Variants in COL13A1 observed in about 807,000 individuals in gnomAD.
COL13A1 encodes collagen alpha-1(XIII) chain.
A neutral mutation model predicts 130.9 loss-of-function variants in COL13A1; 89 were observed. The ratio of observed to expected loss-of-function variants is 0.68; its 90% CI spans 0.57 to 0.81. The LOEUF (loss-of-function observed/expected upper bound fraction) is 0.81. Ranked by LOEUF, COL13A1 falls within the 30% of genes least tolerant of loss-of-function variation. COL13A1 has a pLI of 0.00. For missense variants in COL13A1, 879 were observed against 934.6 expected, an observed-to-expected ratio of 0.94 and a Z score of 0.78; for synonymous variants, 402 against 341.6, an observed-to-expected ratio of 1.18 and a Z score of -1.95.
At chr10:69,866,877 G>A (rs1459806178) in intron 2 of COL13A1, among the ~76,000 whole-genome samples, 3 of 152,138 alleles carry the variant, frequency 2.0e-5, no homozygotes, top group African/African-American at 4.8e-5. Flanking sequence ...AACAGGAGTC[G>A]CAGCTGAGTT....
chr10:69,945,366 C>A (rs577491976), intron 36 of COL13A1, among the ~76,000 whole-genome samples: 126 of 152,356 alleles, frequency 8.3e-4, no homozygotes, highest in Non-Finnish European at 1.2e-3. Flanking sequence ...CTTTCCCTGC[C>A]TTCCTGCCCT....
chr10:69,811,245 CGCT>C (rs1382701711), intron 1 of COL13A1, among the ~76,000 whole-genome samples: 1 of 152,158 alleles, frequency 6.6e-6, no homozygotes, highest in African/African-American at 2.4e-5. Flanking sequence ...GTTTTTTATC[CGCT>C]CTTTGGGTTG....
intron 2 of COL13A1, among the ~76,000 whole-genome samples, chr10:69,843,207 G>A (rs1191658800): frequency 2.0e-5 from 3 of 150,464 alleles, no homozygotes; most frequent in South Asian, 2.1e-4. Flanking sequence ...GGAGGCCATC[G>A]GCCCACATGA....
chr10:69,895,678 C>A, intron 13 of COL13A1, 102 bp downstream of exon 13: 2 of 1,315,210 alleles, frequency 1.5e-6, no homozygotes, highest in Non-Finnish European at 2.2e-6. Context: ...ACTAACAGAT[C>A]ATGGGGGAGC....
intron 3 of COL13A1, among the ~76,000 whole-genome samples, chr10:69,868,656 C>T (rs1378661363): frequency 6.6e-6 from 1 of 152,212 alleles, no homozygotes; most frequent in African/African-American, 2.4e-5. Flanking sequence ...TTGGAGAAGT[C>T]ATTTCCATAG....
At chr10:69,802,943 C>T (rs763496016) in intron 1 of COL13A1, among the ~76,000 whole-genome samples, 1 of 152,214 alleles carries the variant, frequency 6.6e-6, no homozygotes, top group Non-Finnish European at 1.5e-5. Context: ...CGGGCAAGCG[C>T]CCCCGGCTTC....
intron 2 of COL13A1, among the ~76,000 whole-genome samples, chr10:69,842,689 C>T (rs1447308238): frequency 6.6e-6 from 1 of 152,204 alleles, no homozygotes; most frequent in African/African-American, 2.4e-5. Flanking sequence ...TCTCCAGTAG[C>T]CAGGACAGGC....
intron 26 of COL13A1, 81 bp from the exon 27 acceptor site, chr10:69,927,006 G>C: frequency 6.2e-7 from 1 of 1,601,438 alleles, no homozygotes; most frequent in South Asian, 1.1e-5. Flanking sequence ...TAGCTCCCAT[G>C]TTTCCATGAC....
At chr10:69,804,913 G>A (rs1459922551) in intron 1 of COL13A1, among the ~76,000 whole-genome samples, 2 of 151,126 alleles carry the variant, frequency 1.3e-5, no homozygotes, top group African/African-American at 4.9e-5. Flanking sequence ...GGTGGTGGCA[G>A]TCATGGCAGG....
At chr10:69,947,675 C>T (rs1323001935) in intron 38 of COL13A1, among the ~76,000 whole-genome samples, 1 of 152,158 alleles carries the variant, frequency 6.6e-6, no homozygotes, top group Non-Finnish European at 1.5e-5. Context: ...CATTTTAGAT[C>T]CATTGCTACC....
At chr10:69,829,540 C>T (rs147635369) in intron 2 of COL13A1, among the ~76,000 whole-genome samples, 7 of 152,330 alleles carry the variant, frequency 4.6e-5, no homozygotes, top group Admixed American at 6.5e-5. Context: ...CTTTAGAAAT[C>T]AGCCAGTCCA....
intron 1 of COL13A1, among the ~76,000 whole-genome samples, chr10:69,814,997 G>C (rs564851366): frequency 6.6e-6 from 1 of 152,324 alleles, no homozygotes; most frequent in Non-Finnish European, 1.5e-5. Context: ...ACCCAAAATT[G>C]ATAGATGCTC....
chr10:69,944,138 C>T lies in COL13A1; in HGVS notation c.1928C>T (p.Pro643Leu), dbSNP rs780788656. The change falls in exon 36 of 41, where the codon CCA becomes CTA. Residue 643 changes from proline (P) to leucine (L), a missense_variant. By Grantham distance (98) the Pro-to-Leu change is moderately conservative. This residue lies in a region of COL13A1 where 96 missense variants were observed against 147.7 expected (regional missense o/e 0.65). Transcript: ENST00000645393. ...TCCCCTTCCCAGGGTACTCCAGGAC[C>T]AATTGGAGTTCCAGGCCCAGCGGGA... ...GRPGPPGTPG[P>L]IGVPGPAGPK... The T allele has an allele frequency of 2.5e-6, 4 of 1,613,608 alleles. No homozygotes were observed. The highest frequency in any genetic ancestry group is 3.4e-6 in the Non-Finnish European group (4 of 1,179,696).
intron 2 of COL13A1, among the ~76,000 whole-genome samples, chr10:69,850,144 C>T (rs759417763): frequency 2.0e-5 from 3 of 151,934 alleles, no homozygotes; most frequent in African/African-American, 4.8e-5. Context: ...CAAAGGCAGA[C>T]GAGATCCAAA....
At chr10:69,819,539 GA>G (rs1845490275) in intron 1 of COL13A1, among the ~76,000 whole-genome samples, 1 of 152,192 alleles carries the variant, frequency 6.6e-6, no homozygotes, top group Admixed American at 6.5e-5. Context: ...ATTTGAGGCA[GA>G]GGGGCCAGGT....
chr10:69,912,411 C>G (rs1310104155), intron 17 of COL13A1, among the ~76,000 whole-genome samples: 2 of 152,184 alleles, frequency 1.3e-5, no homozygotes, highest in Non-Finnish European at 2.9e-5. Flanking sequence ...GAAGCAGGAA[C>G]TGAGCTGCCT....
At chr10:69,898,656 G>T in intron 13 of COL13A1, 41 bp from the exon 14 acceptor site, 1 of 1,583,304 alleles carries the variant, frequency 6.3e-7, no homozygotes, top group East Asian at 2.2e-5. Flanking sequence ...TGTGATCTTT[G>T]GCCTTTGCCC....
intron 1 of COL13A1, among the ~76,000 whole-genome samples, chr10:69,805,956 G>A (rs955567371): frequency 5.3e-5 from 8 of 152,274 alleles, no homozygotes; most frequent in African/African-American, 1.9e-4. Context: ...TGGTGAGTTT[G>A]GAGGCCAAGA....
intron 2 of COL13A1, among the ~76,000 whole-genome samples, chr10:69,861,184 G>A (rs1857956699): frequency 6.6e-6 from 1 of 152,184 alleles, no homozygotes; most frequent in Non-Finnish European, 1.5e-5. Context: ...TTGAAAGCAG[G>A]GGTTAGCCAA....
Sources: gnomAD v4.1 joint callset for allele counts (sites outside exome capture counted in the v4.1 genomes callset) on GRCh38, gnomAD v4.1.1 for gene constraint, gnomAD v4.1.1 regional missense constraint, MANE v1.5 for transcripts, NCBI Gene and HGNC (gene_info 2026-07-23, HGNC 2026-07-21) for gene names.